TMEM117: variants seen among roughly 807,000 people sequenced by gnomAD.
The protein encoded by TMEM117 is transmembrane protein 117.
Under a neutral mutation model 52.4 loss-of-function variants are expected in TMEM117, and 27 were observed. The observed-to-expected ratio is 0.51, with a 90% CI of 0.38 to 0.71. The LOEUF (loss-of-function observed/expected upper bound fraction) is 0.71, where lower values mean the gene tolerates loss of function less well. Among genes scored for constraint, TMEM117 ranks in the 30% least tolerant of loss-of-function variants. The probability of loss-of-function intolerance (pLI) is 0.00; values close to 1 mark genes in which losing one functional copy is unlikely to be tolerated. For synonymous variants in TMEM117, 215 were observed against 206.3 expected, an observed-to-expected ratio of 1.04 and a Z score of -0.36; for missense variants, 556 against 630.5, an observed-to-expected ratio of 0.88 and a Z score of 1.26.
At chr12:43,825,445 A>C in the TMEM117 span, among the ~76,000 whole-genome samples, 1 of 152,134 alleles carries the variant, frequency 6.6e-6, no homozygotes, top group African/African-American at 2.4e-5. Flanking sequence ...CCCTATCCAT[A>C]AGCCTTTCCT....
In TMEM117 at chr12:44,027,082, CTATTTTATTTTATTT is replaced by C. The variant is rs66667106; in HGVS notation, c.410+82759_410+82773del. ...TTTAAACCTCAAACCATTTCTTAGC[CTATTTTATTTTATTT>C]TATTTTATTTTATTTTATCTTATTA... is the stretch of plus-strand genomic sequence containing the variant. On this transcript the variant is annotated intron_variant, in intron 3 of 7. Coordinates refer to ENST00000266534, the MANE Select transcript of TMEM117 (RefSeq NM_032256.3). Among the ~76,000 whole-genome samples, 74 of 136,652 alleles carry C rather than the reference CTATTTTATTTTATTT, an allele frequency of 5.4e-4. 1 individual carries two copies. Among genetic ancestry groups the C allele is most frequent in the Non-Finnish European group, 9.4e-4 (61 of 64,862 alleles). 89.6% of individuals were successfully genotyped at this position (136,652 alleles called of 152,430 possible).
chr12:44,004,768 T>G lies in TMEM117; in HGVS notation c.410+60426T>G, dbSNP rs142830330. Reference sequence around the variant, plus strand: ...CACCTCCCCTCCATTTTCAGGAATGTCAAGTTGGGGGTTTCTAGTATATTT... The same window carrying G: ...CACCTCCCCTCCATTTTCAGGAATGGCAAGTTGGGGGTTTCTAGTATATTT... On this transcript the variant is annotated intron_variant, in intron 3 of 7. Coordinates refer to ENST00000266534, the MANE Select transcript of TMEM117 (RefSeq NM_032256.3). 3.6e-3 allele frequency among the ~76,000 whole-genome samples: 555 copies of G among 152,240 alleles called. 2 individuals are homozygous for G. The highest frequency in any genetic ancestry group is 0.013 in the African/African-American group (528 of 41,532).
At chr12:43,962,872 G>A (rs921535770) in intron 3 of TMEM117, among the ~76,000 whole-genome samples, 1 of 151,870 alleles carries the variant, frequency 6.6e-6, no homozygotes, top group African/African-American at 2.4e-5. Flanking sequence ...AGCTTGCAGT[G>A]AGCCGAGATT....
chr12:43,919,733 C>T (rs1191712321), intron 2 of TMEM117, among the ~76,000 whole-genome samples: 2 of 151,776 alleles, frequency 1.3e-5, no homozygotes, highest in Non-Finnish European at 2.9e-5. Flanking sequence ...GACACAGTGG[C>T]AGCACCATTT....
At chr12:43,896,923 G>C (rs757663122) in intron 2 of TMEM117, among the ~76,000 whole-genome samples, 3 of 152,184 alleles carry the variant, frequency 2.0e-5, no homozygotes, top group Non-Finnish European at 4.4e-5. Context: ...ATTGGTCTGT[G>C]TGCAAGAAGA....
intron 5 of TMEM117, among the ~76,000 whole-genome samples, chr12:44,269,668 T>C (rs560987874): frequency 1.2e-4 from 19 of 152,190 alleles, no homozygotes; most frequent in South Asian, 1.2e-3. Context: ...TGTTTATTGA[T>C]TCAGCCCAAC....
intron 6 of TMEM117, among the ~76,000 whole-genome samples, chr12:44,353,298 T>G (rs1292353424): frequency 1.8e-4 from 28 of 152,306 alleles, no homozygotes; most frequent in East Asian, 3.9e-4. Context: ...CTCTTGAGTT[T>G]AATTAGATCC....
intron 7 of TMEM117, among the ~76,000 whole-genome samples, chr12:44,382,629 C>A (rs1170443648): frequency 6.6e-6 from 1 of 152,164 alleles, no homozygotes; most frequent in Non-Finnish European, 1.5e-5. Context: ...CACTTTTCTT[C>A]TTTCTATGCT....
At chr12:43,971,767 T>A (rs1481953126) in intron 3 of TMEM117, among the ~76,000 whole-genome samples, 1 of 152,228 alleles carries the variant, frequency 6.6e-6, no homozygotes, top group Non-Finnish European at 1.5e-5. Flanking sequence ...ACACTTAACA[T>A]GAGATCTGTC....
chr12:44,334,034 T>G (rs1951307195), intron 6 of TMEM117, among the ~76,000 whole-genome samples: 1 of 152,052 alleles, frequency 6.6e-6, no homozygotes, highest in South Asian at 2.1e-4. Context: ...TGTATTTACC[T>G]CGATAGAATT....
At chr12:43,972,612 C>T (rs769537848) in intron 3 of TMEM117, among the ~76,000 whole-genome samples, 3 of 151,984 alleles carry the variant, frequency 2.0e-5, no homozygotes, top group African/African-American at 7.3e-5. Context: ...GCTGATTGGT[C>T]CATTTTACAG....
At chr12:43,925,393 A>G (rs1944763023) in intron 2 of TMEM117, among the ~76,000 whole-genome samples, 1 of 152,006 alleles carries the variant, frequency 6.6e-6, no homozygotes, top group Non-Finnish European at 1.5e-5. Context: ...TGTAACCTCC[A>G]ATTTCTAATT....
intron 3 of TMEM117, among the ~76,000 whole-genome samples, chr12:43,977,985 A>G (rs1945699767): frequency 6.6e-6 from 1 of 152,206 alleles, no homozygotes; most frequent in Non-Finnish European, 1.5e-5. Context: ...CTGTTTGCCA[A>G]AACTGATTAG....
At chr12:44,280,299 C>G (rs1049046440) in intron 5 of TMEM117, among the ~76,000 whole-genome samples, 1 of 152,102 alleles carries the variant, frequency 6.6e-6, no homozygotes, top group African/African-American at 2.4e-5. Flanking sequence ...ATTTCCTTTC[C>G]TATTTCTCAG....
intron 6 of TMEM117, among the ~76,000 whole-genome samples, chr12:44,370,801 G>T (rs555766607): frequency 7.9e-5 from 12 of 151,976 alleles, no homozygotes; most frequent in African/African-American, 2.4e-4. Context: ...TACAGGTGGG[G>T]ATTGTTATAT....
intron 3 of TMEM117, among the ~76,000 whole-genome samples, chr12:44,050,196 AG>A (rs1222428056): frequency 6.6e-6 from 1 of 152,214 alleles, no homozygotes; most frequent in Non-Finnish European, 1.5e-5. Context: ...TTTGTTTTTG[AG>A]ACGGAGTCTC....
chr12:43,920,313 CAGA>C (rs1565751557), intron 2 of TMEM117, among the ~76,000 whole-genome samples: 3 of 152,054 alleles, frequency 2.0e-5, no homozygotes, highest in Non-Finnish European at 4.4e-5. Flanking sequence ...ATCACGAGGT[CAGA>C]AGATCAAGAC....
chr12:44,152,493 A>G (rs1231935577), intron 4 of TMEM117, among the ~76,000 whole-genome samples: 1 of 116,548 alleles, frequency 8.6e-6, no homozygotes, highest in African/African-American at 3.5e-5. Context: ...AAATTTTTAT[A>G]TATATAATTA....
the TMEM117 span, chr12:43,797,353 G>A: frequency 6.9e-6 from 11 of 1,605,508 alleles, no homozygotes; most frequent in Non-Finnish European, 9.3e-6. Context: ...AGAAAGAAAT[G>A]GTAACGAGCT....
Sources: gnomAD v4.1 joint callset for allele counts (sites outside exome capture counted in the v4.1 genomes callset) on GRCh38, gnomAD v4.1.1 for gene constraint, MANE v1.5 for transcripts, NCBI Gene and HGNC (gene_info 2026-07-23, HGNC 2026-07-21) for gene names.